The following ZFHX3 variants were observed in gnomAD, a reference collection of about 807,000 sequenced individuals.
ZFHX3 encodes zinc finger homeobox protein 3.
Under a neutral mutation model 279.1 loss-of-function variants are expected in ZFHX3, and 42 were observed. That is an observed-to-expected ratio of 0.15 (90% CI 0.12 to 0.19). The LOEUF (loss-of-function observed/expected upper bound fraction) is 0.19. Ranked by LOEUF, ZFHX3 falls within the 10% of genes least tolerant of loss-of-function variation. ZFHX3 has a pLI of 1.00. For missense variants in ZFHX3, 4,981 were observed against 4,754.0 expected, an observed-to-expected ratio of 1.05 and a Z score of -1.40; for synonymous variants, 2,293 against 1,957.8, an observed-to-expected ratio of 1.17 and a Z score of -4.52.
chr16:73,246,169 C>T (rs2013274149), intron 5 of ZFHX3, among the ~76,000 whole-genome samples: 1 of 152,148 alleles, frequency 6.6e-6, no homozygotes, highest in South Asian at 2.1e-4. Context: ...AGTTACATGT[C>T]TGTTGATTCC....
chr16:73,334,190 A>G (rs1351206811), intron 3 of ZFHX3, among the ~76,000 whole-genome samples: 1 of 152,172 alleles, frequency 6.6e-6, no homozygotes, highest in Non-Finnish European at 1.5e-5. Context: ...CTAGGAAAGC[A>G]GAGGGGGCCA....
intron 1 of ZFHX3, among the ~76,000 whole-genome samples, chr16:73,710,665 T>A (rs1426525227): frequency 6.6e-6 from 1 of 152,184 alleles, no homozygotes; most frequent in Admixed American, 6.5e-5. Flanking sequence ...TCCAGCAGGA[T>A]CCGCCAGCAC....
chr16:73,486,001 C>T (rs1422128193), intron 2 of ZFHX3, among the ~76,000 whole-genome samples: 27 of 152,204 alleles, frequency 1.8e-4, no homozygotes. Flanking sequence ...TCCCAAGTTC[C>T]TAGCCCAGTG....
At chr16:73,611,954 A>G (rs953214640) in intron 2 of ZFHX3, among the ~76,000 whole-genome samples, 3 of 152,194 alleles carry the variant, frequency 2.0e-5, no homozygotes, top group Admixed American at 2.0e-4. Flanking sequence ...TTTTGAAACC[A>G]TCTTTGGGCT....
chr16:72,881,944 GT>G (rs1253434019), intron 4 of ZFHX3, among the ~76,000 whole-genome samples: 1 of 152,180 alleles, frequency 6.6e-6, no homozygotes, highest in Admixed American at 6.5e-5. Context: ...GACTTGGGAT[GT>G]TTCGAAATAA....
At chr16:73,656,318 C>T (rs1597050416) in intron 2 of ZFHX3, among the ~76,000 whole-genome samples, 2 of 152,122 alleles carry the variant, frequency 1.3e-5, no homozygotes, top group Admixed American at 6.5e-5. Flanking sequence ...ATAATGTTGA[C>T]CCCCCAAAAA....
At chr16:73,447,322 C>A (rs965843005) in intron 3 of ZFHX3, among the ~76,000 whole-genome samples, 4 of 151,962 alleles carry the variant, frequency 2.6e-5, no homozygotes, top group African/African-American at 9.7e-5. Context: ...CCATAATCTT[C>A]AAAAAAAGTC....
intron 5 of ZFHX3, among the ~76,000 whole-genome samples, chr16:73,172,912 C>T (rs1159311130): frequency 1.4e-5 from 2 of 142,494 alleles, no homozygotes; most frequent in Non-Finnish European, 3.0e-5. Context: ...CTTGATTTCT[C>T]ATGGTGGGGC....
At chr16:72,929,014 G>C (rs1428829130) in intron 3 of ZFHX3, among the ~76,000 whole-genome samples, 1 of 152,018 alleles carries the variant, frequency 6.6e-6, no homozygotes, top group Non-Finnish European at 1.5e-5. Context: ...AAGGTGGGCA[G>C]ATCACTAAAA....
chr16:73,875,440 C>T (rs1257916982), intron 1 of ZFHX3, among the ~76,000 whole-genome samples: 1 of 152,126 alleles, frequency 6.6e-6, no homozygotes, highest in Non-Finnish European at 1.5e-5. Flanking sequence ...ATTCTGTTTA[C>T]ACCGTTCATT....
intron 5 of ZFHX3, among the ~76,000 whole-genome samples, chr16:73,247,522 C>G (rs1461801091): frequency 2.1e-5 from 3 of 144,244 alleles, no homozygotes; most frequent in South Asian, 2.2e-4. Context: ...TGTTTGTATA[C>G]TACGTATATA....
chr16:73,549,840 C>T (rs1266265341), intron 2 of ZFHX3, among the ~76,000 whole-genome samples: 1 of 151,244 alleles, frequency 6.6e-6, no homozygotes, highest in Admixed American at 6.6e-5. Context: ...CTGGATCGGA[C>T]GAGCGCTACA....
intron 3 of ZFHX3, among the ~76,000 whole-genome samples, chr16:72,933,419 A>C (rs1455865058): frequency 6.6e-6 from 1 of 152,110 alleles, no homozygotes; most frequent in Non-Finnish European, 1.5e-5. Flanking sequence ...TTTCACCATT[A>C]GGTTTTAGTA....
In ZFHX3 at chr16:73,316,973, T is replaced by C. The variant is rs530830294; in HGVS notation, c.-1194+1267A>G. Among the ~76,000 whole-genome samples the C allele has an allele frequency of 2.6e-5, 4 of 152,348 alleles. No homozygotes were observed. The East Asian group carries it at 7.7e-4, about 29-fold the overall frequency. On this transcript the variant is annotated intron_variant, in intron 4 of 17. Coordinates refer to the ZFHX3 transcript ENST00000641206. The stretch of plus-strand genomic sequence containing the variant: ...AGATGTGTAAAGACATTTTACTCAA[T>C]CTGTGAGAAACTTTGATACAGACAG...
At chr16:73,805,575 G>A (rs1364809677) in intron 1 of ZFHX3, among the ~76,000 whole-genome samples, 7 of 152,224 alleles carry the variant, frequency 4.6e-5, no homozygotes, top group Non-Finnish European at 2.9e-5. Context: ...CTCAGTCACT[G>A]TTCATGGAAT....
At chr16:72,849,269 G>A (rs2037554134) in intron 4 of ZFHX3, among the ~76,000 whole-genome samples, 1 of 152,152 alleles carries the variant, frequency 6.6e-6, no homozygotes, top group Non-Finnish European at 1.5e-5. Flanking sequence ...AGAGACTTGC[G>A]TGGGAAAGCT....
intron 2 of ZFHX3, among the ~76,000 whole-genome samples, chr16:73,460,098 G>C (rs1009595372): frequency 6.6e-6 from 1 of 152,102 alleles, no homozygotes; most frequent in Non-Finnish European, 1.5e-5. Flanking sequence ...GCTCTCCTTT[G>C]GGCCACACCC....
chr16:73,408,119 T>C (rs1201461115), intron 3 of ZFHX3, among the ~76,000 whole-genome samples: 1 of 151,158 alleles, frequency 6.6e-6, no homozygotes, highest in Non-Finnish European at 1.5e-5. Context: ...GTTTTTTTTT[T>C]TTTGCTTGGG....
chr16:73,026,545 C>T (rs1372522469), intron 1 of ZFHX3, among the ~76,000 whole-genome samples: 1 of 151,576 alleles, frequency 6.6e-6, no homozygotes, highest in Admixed American at 6.6e-5. Flanking sequence ...GTGGCAGGCA[C>T]CTGTAATCCC....
Sources: gnomAD v4.1 joint callset for allele counts (sites outside exome capture counted in the v4.1 genomes callset) on GRCh38, gnomAD v4.1.1 for gene constraint, MANE v1.5 for transcripts, NCBI Gene and HGNC (gene_info 2026-07-23, HGNC 2026-07-21) for gene names.